FAM13B: variants seen among roughly 807,000 people sequenced by gnomAD.
The protein encoded by FAM13B is family with sequence similarity 13 member B, also known as protein FAM13B.
FAM13B carries 60 observed loss-of-function variants against 117.3 expected under a neutral mutation model. The observed-to-expected ratio is 0.51, with a 90% CI of 0.42 to 0.63. The LOEUF is 0.63. FAM13B is among the 30% of genes least tolerant of loss of function. FAM13B has a pLI of 0.00. For synonymous variants in FAM13B, 332 were observed against 356.1 expected, an observed-to-expected ratio of 0.93 and a Z score of 0.76; for missense variants, 972 against 1,091.9, an observed-to-expected ratio of 0.89 and a Z score of 1.55.
intron 23 of FAM13B, chr5:137,940,589 A>G (rs1761396056): frequency 5.3e-6 from 2 of 374,660 alleles, no homozygotes; most frequent in Middle Eastern, 7.1e-4. Flanking sequence ...TAATCAACAT[A>G]GATAACTGGA....
In FAM13B at chr5:137,989,272, C is replaced by T. The variant is rs184087748; in HGVS notation, c.849-957G>A. 4.8e-4 allele frequency among the ~76,000 whole-genome samples: 73 copies of T among 152,328 alleles called. 2 individuals carry two copies. In the South Asian group the frequency reaches 5.2e-3, roughly 11 times the overall value. On this transcript the variant is annotated intron_variant, in intron 7 of 23. Coordinates refer to ENST00000689681, the MANE Select transcript of FAM13B (RefSeq NM_001385994.1). The stretch of plus-strand genomic sequence containing the variant: ...GCTATGAAGTTAGTATTGTCAGGAT[C>T]CACTGCAGGAAACCAAATGAGTATC...
chr5:137,949,076 T>C lies in FAM13B; in HGVS notation c.2039A>G (p.Asn680Ser), dbSNP rs756029453. The C allele has an allele frequency of 6.2e-7, 1 of 1,614,088 alleles. No individual in the cohort carries two copies. The highest frequency in any genetic ancestry group is 8.5e-7 in the Non-Finnish European group (1 of 1,179,986). ...CTGAATGACCTTGGGTTCATCTTCA[T>C]TCTCTTCATCTTCATGGTCTAGAGA... ...GSSLDHEDEE[N>S]EDEPKVIQKE... Residue 680 changes from asparagine to serine, a missense_variant, in exon 18 of 24, where the codon AAT (asparagine) becomes AGT (serine). By Grantham distance (46) the Asn-to-Ser change is conservative. Coordinates refer to ENST00000689681, the MANE Select transcript of FAM13B (RefSeq NM_001385994.1).
At chr5:138,027,931 T>C (rs768879694) in intron 1 of FAM13B, among the ~76,000 whole-genome samples, 3 of 152,304 alleles carry the variant, frequency 2.0e-5, no homozygotes, top group African/African-American at 7.2e-5. Flanking sequence ...TGCGTCCCCT[T>C]CCACTATGAT....
chr5:138,008,544 T>C (rs1404103178), intron 6 of FAM13B, among the ~76,000 whole-genome samples: 1 of 152,248 alleles, frequency 6.6e-6, no homozygotes, highest in African/African-American at 2.4e-5. Context: ...TCTGGCAACT[T>C]ACTTAACTTG....
At chr5:138,043,436 T>C (rs1791554273) in intron 1 of FAM13B, among the ~76,000 whole-genome samples, 2 of 151,468 alleles carry the variant, frequency 1.3e-5, no homozygotes, top group Non-Finnish European at 2.9e-5. Flanking sequence ...TTTTTTTTCT[T>C]TCTTTCTTTT....
intron 2 of FAM13B, among the ~76,000 whole-genome samples, 157 bp from the exon 3 acceptor site, chr5:138,019,303 G>A (rs1786041488): frequency 6.6e-6 from 1 of 152,224 alleles, no homozygotes; most frequent in Admixed American, 6.5e-5. Flanking sequence ...ATGAAGTTCA[G>A]TACAATTACC....
intron 1 of FAM13B, among the ~76,000 whole-genome samples, chr5:138,047,033 C>T (rs569079589): frequency 3.9e-5 from 6 of 152,122 alleles, no homozygotes; most frequent in African/African-American, 7.2e-5. Context: ...CGTGAGCCAC[C>T]GTGCCCAGCC....
At chr5:137,975,867 G>A (rs1355295508) in intron 10 of FAM13B, among the ~76,000 whole-genome samples, 1 of 150,220 alleles carries the variant, frequency 6.7e-6, no homozygotes, top group Non-Finnish European at 1.5e-5. Flanking sequence ...TATCTAGTGA[G>A]TGATTCCTAC....
intron 10 of FAM13B, among the ~76,000 whole-genome samples, chr5:137,980,129 C>T (rs1429844911): frequency 6.7e-6 from 1 of 150,000 alleles, no homozygotes; most frequent in African/African-American, 2.5e-5. Flanking sequence ...GCCCACATCA[C>T]ACGACTGCAC....
chr5:137,946,340 T>TACAAAAAAAAAAAAAAAAAAAA, intron 18 of FAM13B, 29 bp from the exon 19 acceptor site: 1 of 1,219,550 alleles, frequency 8.2e-7, no homozygotes, highest in Non-Finnish European at 1.1e-6. Flanking sequence ...AATAACAAAA[T>TACAAAAAAAAAAAAAAAAAAAA]ACAAAAAAAA....
At chr5:137,942,202 A>C (rs1762059853) in intron 22 of FAM13B, among the ~76,000 whole-genome samples, 157 bp from the exon 23 acceptor site, 1 of 152,382 alleles carries the variant, frequency 6.6e-6, no homozygotes, top group East Asian at 1.9e-4. Flanking sequence ...GAATAGCTGA[A>C]GGACTCAAGC....
chr5:138,011,751 T>A lies in FAM13B; in HGVS notation c.548+17A>T, dbSNP rs188026724. On this transcript the variant is annotated intron_variant, in intron 5 of 23. Coordinates refer to ENST00000689681, the MANE Select transcript of FAM13B (RefSeq NM_001385994.1). The stretch of plus-strand genomic sequence containing the variant: ...CTAATTTTTAAAAATTAAACAAAAA[T>A]TTTTTAAACAACTTACTGGAAGACA... 91 of 1,587,070 alleles carry A rather than the reference T, an allele frequency of 5.7e-5. No individual in the cohort carries two copies. The Middle Eastern group carries it at 1.2e-3, about 21-fold the overall frequency.
intron 7 of FAM13B, among the ~76,000 whole-genome samples, chr5:138,005,609 T>G (rs1250624967): frequency 6.6e-6 from 1 of 150,786 alleles, no homozygotes. Flanking sequence ...TAAGAAACCA[T>G]CAAAAAATAA....
chr5:137,954,463 A>C (rs887205510), intron 14 of FAM13B, 87 bp from the exon 15 acceptor site: 2 of 936,506 alleles, frequency 2.1e-6, no homozygotes, highest in African/African-American at 3.3e-5. Context: ...TGTGTTCCTT[A>C]AATCATATCA....
intron 10 of FAM13B, among the ~76,000 whole-genome samples, chr5:137,975,033 CAG>C (rs1189621568): frequency 3.9e-5 from 6 of 152,166 alleles, no homozygotes; most frequent in African/African-American, 1.2e-4. Context: ...GCTACAATAG[CAG>C]AGTTAAGTAG....
chr5:137,943,341 C>A, intron 20 of FAM13B, 125 bp from the exon 21 acceptor site: 1 of 720,070 alleles, frequency 1.4e-6, no homozygotes, highest in South Asian at 2.1e-5. Flanking sequence ...TGCTTTAAAT[C>A]TTTTTAGGAA....
At chr5:137,967,074 G>C (rs1581117423) in intron 10 of FAM13B, among the ~76,000 whole-genome samples, 1 of 151,200 alleles carries the variant, frequency 6.6e-6, no homozygotes, top group South Asian at 2.1e-4. Flanking sequence ...AATAGGGAAG[G>C]CCTTCCCAAC....
At chr5:137,988,883 T>TG (rs1490649219) in intron 7 of FAM13B, among the ~76,000 whole-genome samples, 24 of 152,242 alleles carry the variant, frequency 1.6e-4, no homozygotes, top group East Asian at 7.7e-4. Context: ...TATATATACT[T>TG]GTGGGGGTGA....
At chr5:137,943,866 C>T (rs1762607893) in intron 20 of FAM13B, among the ~76,000 whole-genome samples, 2 of 152,012 alleles carry the variant, frequency 1.3e-5, no homozygotes, top group Admixed American at 1.3e-4. Flanking sequence ...TTAAAAATAA[C>T]TTTATTAAGA....
Sources: gnomAD v4.1 joint callset for allele counts (sites outside exome capture counted in the v4.1 genomes callset) on GRCh38, gnomAD v4.1.1 for gene constraint, MANE v1.5 for transcripts, NCBI Gene and HGNC (gene_info 2026-07-23, HGNC 2026-07-21) for gene names.